CCDC30: variants seen among roughly 807,000 people sequenced by gnomAD.
CCDC30 encodes coiled-coil domain containing 30.
CCDC30 carries 70 observed loss-of-function variants against 100.2 expected under a neutral mutation model. That is an observed-to-expected ratio of 0.70 (90% CI 0.58 to 0.85). The LOEUF (loss-of-function observed/expected upper bound fraction) is 0.85, where lower values mean the gene tolerates loss of function less well. Ranked by LOEUF, CCDC30 falls within the 40% of genes least tolerant of loss-of-function variation. The pLI is 0.00. For synonymous variants in CCDC30, 233 were observed against 269.5 expected, an observed-to-expected ratio of 0.86 and a Z score of 1.33; for missense variants, 652 against 771.2, an observed-to-expected ratio of 0.85 and a Z score of 1.83.
At chr1:42,467,128 C>T (rs1018538324) in intron 1 of CCDC30, among the ~76,000 whole-genome samples, 4 of 152,054 alleles carry the variant, frequency 2.6e-5, no homozygotes, top group African/African-American at 4.8e-5. Context: ...TGTCAAGGTG[C>T]GGCAGAAGAC....
chr1:42,476,873 G>A (rs1003090759), intron 1 of CCDC30, among the ~76,000 whole-genome samples: 19 of 140,298 alleles, frequency 1.4e-4, no homozygotes, highest in African/African-American at 3.4e-4. Flanking sequence ...ACAAGAGTTC[G>A]TTGATGGAAG....
At chr1:42,580,845 T>G (rs1238741810) in intron 8 of CCDC30, 1 of 456,280 alleles carries the variant, frequency 2.2e-6, no homozygotes, top group Non-Finnish European at 4.4e-6. Context: ...TATTCATGAA[T>G]CTAGCCACAC....
chr1:42,477,537 T>C (rs1643897549), intron 1 of CCDC30, among the ~76,000 whole-genome samples: 1 of 152,180 alleles, frequency 6.6e-6, no homozygotes, highest in African/African-American at 2.4e-5. Flanking sequence ...AATTAGCTCA[T>C]GATGATTGAT....
At position 42,644,725 on chromosome 1, in the gene CCDC30, TA is replaced by T. The variant is rs777018383; in HGVS notation, c.1590del (p.Leu530PhefsTer15). On this transcript the variant is annotated frameshift_variant, in exon 14 of 17. Coordinates refer to ENST00000668663, the Ensembl canonical transcript of CCDC30. LOFTEE classifies it high-confidence loss of function. Reference sequence around the variant, plus strand: ...TACATGGATAAAGAAAATAAGCAATTACAGGAAAATAGTCTTCGTCTCACAC... The same window carrying T: ...TACATGGATAAAGAAAATAAGCAATTCAGGAAAATAGTCTTCGTCTCACAC... 1.2e-6 allele frequency: 2 copies of T among 1,612,122 alleles called. No homozygotes were observed. The highest frequency in any genetic ancestry group is 1.7e-6 in the Non-Finnish European group (2 of 1,178,280).
chr1:42,642,696 T>G, intron 13 of CCDC30, 87 bp downstream of exon 17: 1 of 1,266,932 alleles, frequency 7.9e-7, no homozygotes, highest in Non-Finnish European at 1.0e-6. Context: ...GACTGTCCTT[T>G]GAGTTTGTAG....
At chr1:42,553,742 G>A (rs898775812) in intron 6 of CCDC30, among the ~76,000 whole-genome samples, 1 of 151,148 alleles carries the variant, frequency 6.6e-6, no homozygotes, top group Non-Finnish European at 1.5e-5. Flanking sequence ...GCTTCCACTG[G>A]ATATAAGAAA....
intron 6 of CCDC30, among the ~76,000 whole-genome samples, chr1:42,520,978 CTTTTTTTTT>C (rs35261350): frequency 3.0e-5 from 4 of 133,308 alleles, no homozygotes; most frequent in African/African-American, 1.1e-4. Context: ...TTTCTTTTTT[CTTTTTTTTT>C]TTTTGAGACG....
chr1:42,501,808 C>T (rs1644317223), intron 6 of CCDC30, among the ~76,000 whole-genome samples: 1 of 152,202 alleles, frequency 6.6e-6, no homozygotes, highest in African/African-American at 2.4e-5. Flanking sequence ...CTGATCCTTC[C>T]TCTGGAAGCT....
intron 7 of CCDC30, among the ~76,000 whole-genome samples, chr1:42,569,804 G>A (rs1013413388): frequency 2.0e-5 from 3 of 152,196 alleles, no homozygotes; most frequent in Non-Finnish European, 4.4e-5. Context: ...CCATAAAAAA[G>A]AATGAGTTCA....
At chr1:42,600,316 G>T (rs541678716) in intron 10 of CCDC30, among the ~76,000 whole-genome samples, 4 of 152,318 alleles carry the variant, frequency 2.6e-5, no homozygotes, top group East Asian at 1.9e-4. Flanking sequence ...TGATACAACT[G>T]CAAGGAGGAG....
At chr1:42,654,815 C>A (rs1038161718), downstream of CCDC30, among the ~76,000 whole-genome samples, 9 of 151,220 alleles carry the variant, frequency 6.0e-5, no homozygotes, top group Non-Finnish European at 8.8e-5. Context: ...CAGGTTCAAC[C>A]AATTCTCCTG....
At position 42,540,456 on chromosome 1, in the gene CCDC30, T is replaced by C. The variant is rs1367394773; in HGVS notation, c.457-25840T>C. On this transcript the variant is annotated intron_variant, in intron 6 of 16. Transcript: ENST00000668663. ...AACAGATGAGCTGAAATGAGAAGAA[T>C]ATAATATAAAATAAAGAGATCCAGA... 5.9e-5 allele frequency among the ~76,000 whole-genome samples: 9 copies of C among 151,940 alleles called. No homozygotes were observed. The South Asian group carries it at 6.2e-4, about 11-fold the overall frequency.
intron 1 of CCDC30, among the ~76,000 whole-genome samples, chr1:42,469,621 A>G (rs1643700594): frequency 6.6e-6 from 1 of 152,210 alleles, no homozygotes; most frequent in Non-Finnish European, 1.5e-5. Flanking sequence ...TTCCCTAAGG[A>G]AGCAGTATGG....
chr1:42,636,371 A>T (rs1647155900), intron 11 of CCDC30, among the ~76,000 whole-genome samples: 1 of 152,020 alleles, frequency 6.6e-6, no homozygotes, highest in African/African-American at 2.4e-5. Context: ...GTACCACTGC[A>T]CTCCAGCCTG....
At chr1:42,532,059 A>G (rs180872493) in intron 6 of CCDC30, among the ~76,000 whole-genome samples, 2 of 152,278 alleles carry the variant, frequency 1.3e-5, no homozygotes, top group East Asian at 3.9e-4. Flanking sequence ...CGGGAGGCCA[A>G]AGTGGGAGGA....
At chr1:42,537,407 G>A (rs1044380277) in intron 6 of CCDC30, 1 of 368,020 alleles carries the variant, frequency 2.7e-6, no homozygotes, top group African/African-American at 2.1e-5. Flanking sequence ...AGTGAAATAA[G>A]ATAGGAAATC....
At chr1:42,653,693 T>C in intron 16 of CCDC30, 125 bp from the exon 21 acceptor site, 1 of 702,406 alleles carries the variant, frequency 1.4e-6, no homozygotes, top group Non-Finnish European at 2.4e-6. Context: ...TTAAGGTAAA[T>C]TTTATTTGGC....
chr1:42,465,013 T>C (rs1331740520), intron 1 of CCDC30, among the ~76,000 whole-genome samples: 2 of 152,198 alleles, frequency 1.3e-5, no homozygotes, highest in Non-Finnish European at 2.9e-5. Context: ...AACCTAACTC[T>C]TGAAAAAAGT....
In CCDC30 at chr1:42,581,356, C is replaced by G. The variant is rs1021940349; in HGVS notation, c.847-4C>G. On this transcript the variant is annotated splice_polypyrimidine_tract_variant and splice_region_variant and intron_variant, in intron 8 of 16. Transcript: ENST00000668663. ...CTTTACTTGTAAATGTTTTTTCATT[C>G]AAGATTTTGGACCTGCAGCGGAAAT... 8.2e-6 allele frequency: 13 copies of G among 1,588,102 alleles called. No individual in the cohort carries two copies. The highest frequency in any genetic ancestry group is 2.7e-5 in the African/African-American group (2 of 72,918).
Sources: gnomAD v4.1 joint callset for allele counts (sites outside exome capture counted in the v4.1 genomes callset) on GRCh38, gnomAD v4.1.1 for gene constraint, MANE v1.5 for transcripts, NCBI Gene and HGNC (gene_info 2026-07-23, HGNC 2026-07-21) for gene names.